NEK10: variants seen among roughly 807,000 people sequenced by gnomAD.
NEK10 encodes NIMA related kinase 10, also known as serine/threonine-protein kinase Nek10.
NEK10 carries 122 observed loss-of-function variants against 159.8 expected under a neutral mutation model. The observed-to-expected ratio is 0.76, with a 90% CI of 0.66 to 0.89. The LOEUF (loss-of-function observed/expected upper bound fraction) is 0.89, where lower values mean the gene tolerates loss of function less well. Ranked by LOEUF, NEK10 falls within the 40% of genes least tolerant of loss-of-function variation. NEK10 has a pLI of 0.00. For missense variants in NEK10, 1,342 were observed against 1,323.1 expected, an observed-to-expected ratio of 1.01 and a Z score of -0.22; for synonymous variants, 466 against 457.1, an observed-to-expected ratio of 1.02 and a Z score of -0.25.
intron 5 of NEK10, among the ~76,000 whole-genome samples, chr3:27,339,458 T>C (rs2047046170): frequency 6.6e-6 from 1 of 152,152 alleles, no homozygotes; most frequent in Non-Finnish European, 1.5e-5. Context: ...GAGCTCATCA[T>C]CACTGGTCAT....
intron 32 of NEK10, among the ~76,000 whole-genome samples, chr3:27,130,120 T>C (rs1342913563): frequency 6.6e-6 from 1 of 152,006 alleles, no homozygotes; most frequent in African/African-American, 2.4e-5. Context: ...TAAAGCAATA[T>C]ATAGGGCCTT....
At chr3:27,283,392 T>A (rs1487883515) in intron 22 of NEK10, among the ~76,000 whole-genome samples, 3 of 152,252 alleles carry the variant, frequency 2.0e-5, no homozygotes, top group East Asian at 3.8e-4. Context: ...TATGTTTTAT[T>A]TCTGTAGATT....
At chr3:27,119,718 T>G in intron 33 of NEK10, 42 bp downstream of exon 33, 1 of 1,442,340 alleles carries the variant, frequency 6.9e-7, no homozygotes, top group Non-Finnish European at 9.8e-7. Context: ...AAACAATATA[T>G]TTCTTCATGA....
intron 5 of NEK10, among the ~76,000 whole-genome samples, chr3:27,324,204 A>G (rs963038262): frequency 6.6e-6 from 1 of 152,192 alleles, no homozygotes; most frequent in African/African-American, 2.4e-5. Context: ...ATCCAGTTAT[A>G]GCTAGTAGTA....
At chr3:27,113,723 G>A (rs540340519) in intron 35 of NEK10, among the ~76,000 whole-genome samples, 4 of 151,982 alleles carry the variant, frequency 2.6e-5, no homozygotes, top group Non-Finnish European at 4.4e-5. Context: ...GAACTAGATC[G>A]GTTTAAAACC....
chr3:27,126,767 A>G (rs1365439792), intron 32 of NEK10, among the ~76,000 whole-genome samples: 1 of 152,036 alleles, frequency 6.6e-6, no homozygotes. Context: ...AGCAAAAAAA[A>G]AACAACAACA....
At chr3:27,235,614 G>T (rs1348091102) in intron 23 of NEK10, among the ~76,000 whole-genome samples, 1 of 152,122 alleles carries the variant, frequency 6.6e-6, no homozygotes, top group Non-Finnish European at 1.5e-5. Context: ...AAAAATAACA[G>T]ATGCTGATGA....
intron 8 of NEK10, 83 bp from the exon 9 acceptor site, chr3:27,311,099 T>C (rs1287479838): frequency 6.0e-6 from 5 of 837,250 alleles, no homozygotes; most frequent in South Asian, 4.3e-5. Flanking sequence ...GCAGTGCATA[T>C]GGGCAGGCAG....
chr3:27,126,034 T>A (rs1454416614), intron 32 of NEK10, among the ~76,000 whole-genome samples: 1 of 152,176 alleles, frequency 6.6e-6, no homozygotes, highest in South Asian at 2.1e-4. Context: ...CACTGCTGAT[T>A]CACAATGCCT....
intron 26 of NEK10, among the ~76,000 whole-genome samples, chr3:27,183,127 C>T (rs1948286081): frequency 6.6e-6 from 1 of 151,336 alleles, no homozygotes; most frequent in Admixed American, 6.6e-5. Context: ...TGGCTGATAC[C>T]CCAATTACCC....
chr3:27,272,494 A>T (rs2041444136), intron 22 of NEK10, among the ~76,000 whole-genome samples: 1 of 152,210 alleles, frequency 6.6e-6, no homozygotes, highest in African/African-American at 2.4e-5. Flanking sequence ...AAGGGGATGC[A>T]CTTCTTTAGA....
At chr3:27,279,092 T>G (rs2041967669) in intron 22 of NEK10, 2 of 189,856 alleles carry the variant, frequency 1.1e-5, no homozygotes, top group South Asian at 3.6e-4. Context: ...GAGTACTTTC[T>G]ATTCTGCTTC....
chr3:27,302,586 T>C (rs1334034683), intron 12 of NEK10, among the ~76,000 whole-genome samples: 1 of 152,236 alleles, frequency 6.6e-6, no homozygotes, highest in Non-Finnish European at 1.5e-5. Flanking sequence ...GTTTACTCAG[T>C]ACACTTTCTT....
At chr3:27,185,764 C>T (rs544388533) in intron 26 of NEK10, among the ~76,000 whole-genome samples, 1 of 152,194 alleles carries the variant, frequency 6.6e-6, no homozygotes, top group African/African-American at 2.4e-5. Context: ...CACCCCACCC[C>T]CAGTACACAC....
At chr3:27,326,963 G>A (rs2046048103) in intron 5 of NEK10, among the ~76,000 whole-genome samples, 2 of 152,136 alleles carry the variant, frequency 1.3e-5, no homozygotes, top group Non-Finnish European at 2.9e-5. Flanking sequence ...ACATACATCT[G>A]TTTGCCACCA....
chr3:27,349,964 A>G (rs1374661356), intron 3 of NEK10, among the ~76,000 whole-genome samples: 1 of 152,130 alleles, frequency 6.6e-6, no homozygotes, highest in Non-Finnish European at 1.5e-5. Flanking sequence ...GAACAAAAGT[A>G]GAACACTGGA....
chr3:27,352,598 G>C lies in NEK10; in HGVS notation c.72-73C>G, dbSNP rs2048051592. 2.7e-6 allele frequency: 3 copies of C among 1,108,014 alleles called. No individual in the cohort carries two copies. In the African/African-American group the frequency reaches 4.6e-5, roughly 17 times the overall value. 68.6% of individuals were successfully genotyped at this position (1,108,014 alleles called of 1,614,324 possible). A position where few individuals can be genotyped will look rare whatever the true frequency, so the allele number is the denominator to read the frequency against. ...AACAAGATCGTGTTACCCACTGATGGCATTGCCACTTGGAGGCCTGCTTTT... is the reference window on the plus strand; with the variant it reads ...AACAAGATCGTGTTACCCACTGATGCCATTGCCACTTGGAGGCCTGCTTTT... On this transcript the variant is annotated intron_variant, in intron 2 of 35. Transcript: ENST00000691995.
chr3:27,158,094 T>C (rs1945668314), intron 30 of NEK10, among the ~76,000 whole-genome samples: 1 of 152,180 alleles, frequency 6.6e-6, no homozygotes, highest in South Asian at 2.1e-4. Flanking sequence ...GATATTTGCT[T>C]TATTGCTGTT....
chr3:27,233,553 G>A (rs1953552457), intron 23 of NEK10, among the ~76,000 whole-genome samples: 1 of 151,920 alleles, frequency 6.6e-6, no homozygotes, highest in African/African-American at 2.4e-5. Flanking sequence ...CCACTACTGG[G>A]TACCTACCAA....
Sources: allele counts gnomAD v4.1 joint callset (sites outside exome capture counted in the v4.1 genomes callset), GRCh38; gene constraint gnomAD v4.1.1; transcripts MANE v1.5; gene names NCBI Gene and HGNC (gene_info 2026-07-23, HGNC 2026-07-21).